MTUS1: variants seen among roughly 807,000 people sequenced by gnomAD.
The protein encoded by MTUS1 is microtubule associated scaffold protein 1.
MTUS1 carries 109 observed loss-of-function variants against 120.8 expected under a neutral mutation model. That is an observed-to-expected ratio of 0.90 (90% CI 0.77 to 1.06). The LOEUF (loss-of-function observed/expected upper bound fraction) is 1.06, where lower values mean the gene tolerates loss of function less well. Among genes scored for constraint, MTUS1 ranks in the 50% least tolerant of loss-of-function variants. The pLI is 0.00. For missense variants in MTUS1, 2,210 were observed against 1,486.3 expected, an observed-to-expected ratio of 1.49 and a Z score of -8.01; for synonymous variants, 737 against 550.5, an observed-to-expected ratio of 1.34 and a Z score of -4.74.
intron 3 of MTUS1, chr8:17,734,388 G>C (rs972255909): frequency 1.3e-5 from 2 of 152,150 alleles, no homozygotes; most frequent in African/African-American, 4.8e-5. Flanking sequence ...CCCAGACAAA[G>C]GCAGAGCAAC....
At chr8:17,800,740 G>C (rs2052619348) in intron 1 of MTUS1, 1 of 152,240 alleles carries the variant, frequency 6.6e-6, no homozygotes, top group Non-Finnish European at 1.5e-5. Flanking sequence ...TGCTGAGAAG[G>C]GGCCCTGCGA....
intron 1 of MTUS1, 167 bp downstream of exon 1, chr8:17,800,883 CCCGCCTCCGCT>C (rs1325371191): frequency 6.5e-6 from 1 of 152,896 alleles, no homozygotes; most frequent in African/African-American, 2.4e-5. Context: ...CCACGTGAGA[CCCGCCTCCGCT>C]CCGCCGGCGC....
intron 6 of MTUS1, among the ~76,000 whole-genome samples, chr8:17,687,352 T>C (rs1764107820): frequency 6.6e-6 from 1 of 152,102 alleles, no homozygotes; most frequent in Non-Finnish European, 1.5e-5. Context: ...AAATCTCCAA[T>C]GACGCTCAAA....
intron 1 of MTUS1, among the ~76,000 whole-genome samples, chr8:17,790,887 T>G (rs2051724943): frequency 6.6e-6 from 1 of 152,034 alleles, no homozygotes; most frequent in Non-Finnish European, 1.5e-5. Flanking sequence ...CCCAGGAAGC[T>G]GAGGCAGGAG....
In MTUS1 at chr8:17,645,830, G is replaced by A. The variant is rs147219589; in HGVS notation, c.*96C>T. 507 of 1,473,354 alleles carry A rather than the reference G, an allele frequency of 3.4e-4. 4 individuals are homozygous for A. In the African/African-American group the frequency reaches 5.4e-3, roughly 16 times the overall value. The allele number at this position is 1,473,354 out of a possible 1,614,324, so 91.3% of individuals were successfully genotyped here. ...GTTACCCTACGGTGATCACACGTGTGCTGATATACCTCTTGTGCCCACGTT... is the reference window on the plus strand; with the variant it reads ...GTTACCCTACGGTGATCACACGTGTACTGATATACCTCTTGTGCCCACGTT... On this transcript the variant is annotated 3_prime_UTR_variant, in exon 15 of 15. Coordinates refer to ENST00000693296, the MANE Select transcript of MTUS1 (RefSeq NM_001363059.2).
intron 6 of MTUS1, among the ~76,000 whole-genome samples, chr8:17,701,597 G>A (rs777945709): frequency 6.6e-6 from 1 of 152,114 alleles, no homozygotes. Context: ...GCCAAGGCTG[G>A]AGTGCAGTGG....
At position 17,755,726 on chromosome 8, in the gene MTUS1, C is replaced by T. The variant is rs1399780184; in HGVS notation, c.82G>A (p.Ala28Thr). The T allele has an allele frequency of 1.9e-6, 3 of 1,614,136 alleles. No individual in the cohort carries two copies. The highest frequency in any genetic ancestry group is 1.7e-5 in the Admixed American group (1 of 60,024). ...GTAGGTGGTGATTTCGGGTTGTATG[C>T]ATGTGTATTTCCATCTTTATCACTG... is the stretch of plus-strand genomic sequence containing the variant. ...FTSDKDGNTH[A>T]YNPKSPPTQN... The change falls in exon 2 of 15, where the codon GCA becomes ACA. Residue 28 changes from alanine to threonine, a missense_variant. Physicochemically the swap from Ala to Thr is moderately conservative, Grantham distance 58. Coordinates refer to ENST00000693296, the MANE Select transcript of MTUS1 (RefSeq NM_001363059.2).
intron 2 of MTUS1, among the ~76,000 whole-genome samples, chr8:17,748,673 G>A (rs1228364229): frequency 6.6e-6 from 1 of 152,196 alleles, no homozygotes; most frequent in Non-Finnish European, 1.5e-5. Flanking sequence ...CAAAGTGGCT[G>A]GCTGGATCCT....
Position 17,646,153 on chromosome 8 carries a change from G to T in MTUS1, c.3600-14C>A. On this transcript the variant is annotated splice_polypyrimidine_tract_variant and intron_variant, in intron 14 of 14. Coordinates refer to ENST00000693296, the MANE Select transcript of MTUS1 (RefSeq NM_001363059.2). ...GTGGAAAGCTGCCTTGAAGAAAAAG[G>T]CCAGAAACCATGAGATCTATGTAAA... The T allele has an allele frequency of 6.3e-7, 1 of 1,591,582 alleles. No individual in the cohort carries two copies. The highest frequency in any genetic ancestry group is 8.5e-7 in the Non-Finnish European group (1 of 1,171,482).
At chr8:17,715,664 T>A in intron 5 of MTUS1, 103 bp downstream of exon 5, 1 of 1,165,958 alleles carries the variant, frequency 8.6e-7, no homozygotes, top group East Asian at 2.4e-5. Context: ...TTTGTAATCA[T>A]TGTTGACTAT....
At chr8:17,683,557 G>C (rs1181680624) in intron 7 of MTUS1, among the ~76,000 whole-genome samples, 1 of 152,086 alleles carries the variant, frequency 6.6e-6, no homozygotes, top group Non-Finnish European at 1.5e-5. Flanking sequence ...TTCCCAAAAT[G>C]CTGGGATTCC....
chr8:17,675,324 C>A, intron 7 of MTUS1, 72 bp from the exon 8 acceptor site: 2 of 1,386,802 alleles, frequency 1.4e-6, no homozygotes, highest in Middle Eastern at 1.8e-4. Flanking sequence ...CATTTGTTAT[C>A]ACTAGGAAAA....
rs758177380 is a variant in MTUS1, at chr8:17,754,279, A to C, written c.1529T>G (p.Val510Gly). The change falls in exon 2 of 15, where the codon GTC becomes GGC. Residue 510 changes from valine (V) to glycine (G), a missense_variant. Transcript: ENST00000693296. Reference sequence around the variant, plus strand: ...TGCTCTAGACATAACTTTTGCTTTGACATTCTTGAAGTTTGGTCTTGGGTA... The same window carrying C: ...TGCTCTAGACATAACTTTTGCTTTGCCATTCTTGAAGTTTGGTCTTGGGTA... ...ISYPRPNFKNVKAKVMSRAVL... is the reference protein window; with the variant it reads ...ISYPRPNFKNGKAKVMSRAVL... 9.9e-6 allele frequency: 16 copies of C among 1,613,966 alleles called. No homozygotes were observed. The South Asian group carries it at 1.3e-4, about 13-fold the overall frequency.
Position 17,723,867 on chromosome 8 carries a change from G to A in MTUS1, c.2288-34C>T, listed in dbSNP as rs75146050. ...TTAAAAAAAACAAAAAGTTTCCAGT[G>A]CTATTCATCCCGAAAGCTGGCACTT... On this transcript the variant is annotated intron_variant, in intron 3 of 14. Coordinates refer to ENST00000693296, the MANE Select transcript of MTUS1 (RefSeq NM_001363059.2). The A allele has an allele frequency of 1.0e-3, 1,508 of 1,506,870 alleles. 22 individuals carry two copies. The African/African-American group carries it at 0.019, about 19-fold the overall frequency. 93.3% of individuals were successfully genotyped at this position (1,506,870 alleles called of 1,614,324 possible).
Position 17,649,269 on chromosome 8 carries a change from C to G in MTUS1, c.3501+577G>C, listed in dbSNP as rs551265196. Among the ~76,000 whole-genome samples the G allele has an allele frequency of 4.6e-5, 7 of 152,190 alleles. No individual in the cohort carries two copies. The South Asian group carries it at 1.5e-3, about 32-fold the overall frequency. ...ACAGGGTTTCACCATGTTGGCCAGG[C>G]TGGTCTCGAACTCCTGACCTCAAGT... On this transcript the variant is annotated intron_variant, in intron 13 of 14. Coordinates refer to ENST00000693296, the MANE Select transcript of MTUS1 (RefSeq NM_001363059.2).
intron 12 of MTUS1, chr8:17,651,863 A>G (rs1807074138): frequency 6.6e-6 from 1 of 152,204 alleles, no homozygotes. Context: ...TGAGCCATCA[A>G]TAAAGTTTAT....
intron 8 of MTUS1, among the ~76,000 whole-genome samples, chr8:17,657,081 A>G (rs990375052): frequency 1.3e-5 from 2 of 148,222 alleles, no homozygotes; most frequent in Non-Finnish European, 3.0e-5. Flanking sequence ...AAAAAAAAAA[A>G]GAAACAAGTG....
intron 1 of MTUS1, among the ~76,000 whole-genome samples, chr8:17,774,988 A>C (rs1206209030): frequency 1.3e-5 from 2 of 150,902 alleles, no homozygotes; most frequent in East Asian, 3.9e-4. Flanking sequence ...AAAAAAAAAA[A>C]AAAAACCAGA....
rs754927615 is a variant in MTUS1 at position 17,715,758 on chromosome 8, G to C, written c.2584+9C>G. ...GCCCTCCCTCTTCAAACCACAATGAGGACTGTACCTTTTGGAGGAGTTTTC... is the reference window on the plus strand; with the variant it reads ...GCCCTCCCTCTTCAAACCACAATGACGACTGTACCTTTTGGAGGAGTTTTC... On this transcript the variant is annotated intron_variant, in intron 5 of 14. Coordinates refer to ENST00000693296, the MANE Select transcript of MTUS1 (RefSeq NM_001363059.2). 2 of 1,609,430 alleles carry C rather than the reference G, an allele frequency of 1.2e-6. No individual in the cohort carries two copies. Among genetic ancestry groups the C allele is most frequent in the Admixed American group, 1.7e-5 (1 of 58,722 alleles).
Sources: allele counts gnomAD v4.1 joint callset (sites outside exome capture counted in the v4.1 genomes callset), GRCh38; gene constraint gnomAD v4.1.1; transcripts MANE v1.5; gene names NCBI Gene and HGNC (gene_info 2026-07-23, HGNC 2026-07-21).